CAB39L: variants seen among roughly 807,000 people sequenced by gnomAD.
CAB39L encodes calcium-binding protein 39-like.
A neutral mutation model predicts 39.1 loss-of-function variants in CAB39L; 23 were observed. The ratio of observed to expected loss-of-function variants is 0.59; its 90% CI spans 0.42 to 0.83. The LOEUF is 0.83. Ranked by LOEUF, CAB39L falls within the 40% of genes least tolerant of loss-of-function variation. The pLI is 0.00. For synonymous variants in CAB39L, 126 were observed against 137.2 expected (o/e 0.92, Z 0.57); for missense variants, 366 against 391.9 (o/e 0.93, Z 0.56).
chr13:49,386,515 C>T (rs1421657958), intron 3 of CAB39L, among the ~76,000 whole-genome samples: 4 of 152,106 alleles, frequency 2.6e-5, no homozygotes, highest in Non-Finnish European at 5.9e-5. Flanking sequence ...GGGGAAATAA[C>T]ACACAGTATA....
intron 9 of CAB39L, among the ~76,000 whole-genome samples, chr13:49,335,669 C>A (rs911755763): frequency 1.3e-5 from 2 of 152,052 alleles, no homozygotes; most frequent in African/African-American, 4.8e-5. Flanking sequence ...TTGACCAGAG[C>A]CCAAAAAATT....
At chr13:49,364,246 T>A (rs1055471726) in intron 5 of CAB39L, among the ~76,000 whole-genome samples, 4 of 152,100 alleles carry the variant, frequency 2.6e-5, no homozygotes, top group African/African-American at 9.7e-5. Flanking sequence ...TGGGACATGA[T>A]AACTTTTACC....
At chr13:49,346,112 TATATATA>T (rs1955160641) in intron 7 of CAB39L, among the ~76,000 whole-genome samples, 1 of 54,838 alleles carries the variant, frequency 1.8e-5, no homozygotes, top group Non-Finnish European at 3.6e-5. Flanking sequence ...TATATATATA[TATATATA>T]TATATCATGG....
intron 3 of CAB39L, among the ~76,000 whole-genome samples, chr13:49,412,645 G>A (rs1442042938): frequency 6.6e-6 from 1 of 152,174 alleles, no homozygotes; most frequent in Admixed American, 6.5e-5. Context: ...TAAGCCAGCA[G>A]TCCCCAACCT....
chr13:49,440,319 T>C (rs934879048), intron 1 of CAB39L, among the ~76,000 whole-genome samples: 2 of 152,170 alleles, frequency 1.3e-5, no homozygotes, highest in African/African-American at 4.8e-5. Context: ...CTTATACACA[T>C]GGCTAGCCAG....
At chr13:49,432,866 C>T (rs1957349820) in intron 3 of CAB39L, among the ~76,000 whole-genome samples, 1 of 152,190 alleles carries the variant, frequency 6.6e-6, no homozygotes, top group Admixed American at 6.5e-5. Flanking sequence ...TGGTCTCTGA[C>T]CAGGCTTCTT....
intron 8 of CAB39L, among the ~76,000 whole-genome samples, chr13:49,340,112 G>A (rs1487632760): frequency 2.6e-5 from 4 of 152,156 alleles, no homozygotes; most frequent in Non-Finnish European, 5.9e-5. Context: ...ATACACTTAA[G>A]GCTTCACTTG....
At chr13:49,410,248 T>A (rs2138682363) in intron 3 of CAB39L, among the ~76,000 whole-genome samples, 1 of 152,310 alleles carries the variant, frequency 6.6e-6, no homozygotes, top group Non-Finnish European at 1.5e-5. Context: ...CTTTGCTGGA[T>A]CCATGTTCTG....
At chr13:49,403,968 T>C (rs1168450930) in intron 3 of CAB39L, among the ~76,000 whole-genome samples, 11 of 152,160 alleles carry the variant, frequency 7.2e-5, no homozygotes, top group African/African-American at 2.7e-4. Flanking sequence ...ATGGGGAAAC[T>C]TAAAAGAACC....
chr13:49,352,662 A>T (rs551750742), intron 6 of CAB39L, among the ~76,000 whole-genome samples: 1 of 152,226 alleles, frequency 6.6e-6, no homozygotes, highest in African/African-American at 2.4e-5. Flanking sequence ...ATGGTGGCAC[A>T]CGCCTGTAGT....
intron 5 of CAB39L, among the ~76,000 whole-genome samples, chr13:49,371,598 C>T (rs1955920701): frequency 6.6e-6 from 1 of 152,052 alleles, no homozygotes; most frequent in East Asian, 1.9e-4. Flanking sequence ...GTTTGTTTTG[C>T]TATTTTTTTT....
intron 9 of CAB39L, among the ~76,000 whole-genome samples, chr13:49,338,396 C>CA (rs1421410866): frequency 1.3e-5 from 2 of 149,678 alleles, no homozygotes; most frequent in Non-Finnish European, 3.0e-5. Flanking sequence ...TAAACTATCG[C>CA]AAGAACAAAA....
chr13:49,328,356 C>G (rs1243976071), intron 10 of CAB39L, among the ~76,000 whole-genome samples: 1 of 152,106 alleles, frequency 6.6e-6, no homozygotes, highest in African/African-American at 2.4e-5. Flanking sequence ...AGAAGAACAC[C>G]TATTTATTGG....
At chr13:49,421,711 C>T (rs1957173685) in intron 3 of CAB39L, among the ~76,000 whole-genome samples, 1 of 151,956 alleles carries the variant, frequency 6.6e-6, no homozygotes, top group Admixed American at 6.6e-5. Flanking sequence ...CAGTGGAGGC[C>T]TAGTGGAGAG....
rs1187642830 is a variant in CAB39L at position 49,339,727 on chromosome 13, CAT to C, written c.638_639del (p.Tyr213Ter). The C allele has an allele frequency of 2.5e-6, 4 of 1,582,550 alleles. No homozygotes were observed. The highest frequency in any genetic ancestry group is 3.4e-6 in the Non-Finnish European group (4 of 1,165,838). On this transcript the variant is annotated frameshift_variant, in exon 9 of 11. Coordinates refer to ENST00000409308, the MANE Select transcript of CAB39L (RefSeq NM_001079670.3). LOFTEE classifies it high-confidence loss of function. ...EQNYDTIFEDYEKLLQSENYV... is the reference protein window; with the variant it reads ...EQNYDTIFEDXEKLLQSENYV... ...TAATTCTCAGACTGAAGCAATTTCT[CAT>C]AGTCTTCAAAAATCTAATGAAAAGA...
chr13:49,346,100 G>GATAGATATATATATATATATATATAT (rs1955155415), intron 7 of CAB39L, among the ~76,000 whole-genome samples: 1 of 30,922 alleles, frequency 3.2e-5, no homozygotes, highest in Non-Finnish European at 5.7e-5. Flanking sequence ...ATATATGCTA[G>GATAGATATATATATATATATATATAT]ATATATATAT....
chr13:49,373,463 C>T (rs931017541), intron 5 of CAB39L, among the ~76,000 whole-genome samples: 30 of 152,258 alleles, frequency 2.0e-4, no homozygotes, highest in African/African-American at 7.0e-4. Context: ...TTTCTGTTAT[C>T]AAAACATACC....
At position 49,308,923 on chromosome 13, in the gene CAB39L, G is replaced by A. The variant is rs527663119; in HGVS notation, c.*1891C>T. On this transcript the variant is annotated 3_prime_UTR_variant, in exon 11 of 11. Coordinates refer to ENST00000409308, the MANE Select transcript of CAB39L (RefSeq NM_001079670.3). ...AGGAAAGAGCTAATGCAAGCCCAAA[G>A]GAAATAAAATGTTTTCTTTATCAGA... is the stretch of plus-strand genomic sequence containing the variant. The A allele has an allele frequency of 6.6e-6, 1 of 152,186 alleles. No homozygotes were observed. The highest frequency in any genetic ancestry group is 1.9e-4 in the East Asian group (1 of 5,178). The allele number at this position is 152,186 out of a possible 1,614,324, so 9.4% of individuals were successfully genotyped here. A position where few individuals can be genotyped will look rare whatever the true frequency, so the allele number is the denominator to read the frequency against.
chr13:49,352,727 G>A (rs1450917848), intron 6 of CAB39L, among the ~76,000 whole-genome samples: 3 of 152,130 alleles, frequency 2.0e-5, no homozygotes, highest in East Asian at 1.9e-4. Flanking sequence ...AAAGTTAAGC[G>A]AGACTCTGTC....
Sources: gnomAD v4.1 joint callset for allele counts (sites outside exome capture counted in the v4.1 genomes callset) on GRCh38, gnomAD v4.1.1 for gene constraint, MANE v1.5 for transcripts, NCBI Gene and HGNC (gene_info 2026-07-23, HGNC 2026-07-21) for gene names.